FREM2: variants seen among roughly 807,000 people sequenced by gnomAD.
The protein encoded by FREM2 is FRAS1-related extracellular matrix protein 2.
Under a neutral mutation model 219.9 loss-of-function variants are expected in FREM2, and 119 were observed. The observed-to-expected ratio is 0.54, with a 90% CI of 0.47 to 0.63. The LOEUF is 0.63. FREM2 is among the 30% of genes least tolerant of loss of function. The pLI is 0.00. For missense variants in FREM2, 4,030 were observed against 3,993.6 expected (o/e 1.01, Z -0.25); for synonymous variants, 1,562 against 1,522.8 (o/e 1.03, Z -0.60).
intron 3 of FREM2, 61 bp from the exon 4 acceptor site, chr13:38,769,517 G>A (rs1873567305): frequency 1.4e-6 from 2 of 1,437,114 alleles, no homozygotes; most frequent in African/African-American, 2.8e-5. Flanking sequence ...AGTTAACAAG[G>A]AAAATCTTAA....
rs1369757958 is a variant in FREM2 at position 38,886,264 on chromosome 13, C to T, written c.*5477C>T. The T allele has an allele frequency of 6.6e-6, 1 of 152,062 alleles. No homozygotes were observed. The highest frequency in any genetic ancestry group is 2.1e-4 in the South Asian group (1 of 4,828). The allele number at this position is 152,062 out of a possible 1,614,324, so 9.4% of individuals were successfully genotyped here. On this transcript the variant is annotated 3_prime_UTR_variant, in exon 24 of 24. Coordinates refer to ENST00000280481, the MANE Select transcript of FREM2 (RefSeq NM_207361.6). ...GTAAAAGCTAAATTTATGCACATTACAAAAAGTAGTCAAGTCAGTCTTCCA... is the reference window on the plus strand; with the variant it reads ...GTAAAAGCTAAATTTATGCACATTATAAAAAGTAGTCAAGTCAGTCTTCCA...
At chr13:38,693,702 G>A (rs1869995179) in intron 1 of FREM2, among the ~76,000 whole-genome samples, 1 of 152,200 alleles carries the variant, frequency 6.6e-6, no homozygotes, top group African/African-American at 2.4e-5. Context: ...CTGCAACTGT[G>A]TTGTACTCTT....
rs1873741796 is a variant in FREM2 at position 38,773,306 on chromosome 13, A to G, written c.5641+3498A>G. Among the ~76,000 whole-genome samples, 2 of 151,996 alleles carry G rather than the reference A, an allele frequency of 1.3e-5. 1 individual carries two copies. The highest frequency in any genetic ancestry group is 4.1e-4 in the South Asian group (2 of 4,820). On this transcript the variant is annotated intron_variant, in intron 4 of 23. Transcript: ENST00000280481. The stretch of plus-strand genomic sequence containing the variant: ...AGTGTCTGTGGCTCTCTGGTTGGGA[A>G]CCATGGCTCTGCGATCAATAGAGCT...
Position 38,783,161 on chromosome 13 carries a change from C to T in FREM2, c.5733C>T (p.Ser1911=), listed in dbSNP as rs746150535. Residue 1911 remains serine, a synonymous_variant, in exon 5 of 24, where the codon AGC becomes AGT. Transcript: ENST00000280481. ...CCATCAGGAGGAGCGGAGATGTGAGCCAGGAGTTGATGGTGGTCTGTTATA... is the reference window on the plus strand; with the variant it reads ...CCATCAGGAGGAGCGGAGATGTGAGTCAGGAGTTGATGGTGGTCTGTTATA... ...FIPIRRSGDV[S]QELMVVCYTQ... is the part of the protein sequence containing the mutation. The T allele has an allele frequency of 4.3e-6, 7 of 1,613,800 alleles. No homozygotes were observed. The highest frequency in any genetic ancestry group is 5.9e-6 in the Non-Finnish European group (7 of 1,179,912).
chr13:38,858,047 T>C lies in FREM2; in HGVS notation c.7215+14T>C. The C allele has an allele frequency of 6.2e-7, 1 of 1,608,794 alleles. No individual in the cohort carries two copies. Among genetic ancestry groups the C allele is most frequent in the Non-Finnish European group, 8.5e-7 (1 of 1,175,256 alleles). ...ATCTGTATCACAGTGAGTAGGAGAT[T>C]CACAAAATTGAGGAAAATTGTAAGA... On this transcript the variant is annotated intron_variant, in intron 13 of 23. Transcript: ENST00000280481.
At chr13:38,723,974 C>T (rs1323103065) in intron 2 of FREM2, among the ~76,000 whole-genome samples, 10 of 152,214 alleles carry the variant, frequency 6.6e-5, no homozygotes, top group Admixed American at 5.9e-4. Flanking sequence ...TACCCTGACT[C>T]TGCAGCCCGT....
intron 2 of FREM2, among the ~76,000 whole-genome samples, chr13:38,737,275 C>G (rs1038919903): frequency 2.0e-4 from 31 of 152,056 alleles, no homozygotes; most frequent in African/African-American, 7.2e-4. Flanking sequence ...CATCAGGAAC[C>G]GAAGAAGGTC....
intron 6 of FREM2, among the ~76,000 whole-genome samples, chr13:38,807,582 A>G (rs1238346754): frequency 6.6e-6 from 1 of 151,886 alleles, no homozygotes; most frequent in East Asian, 2.0e-4. Flanking sequence ...TTATATTAGC[A>G]TATTTAAAAA....
intron 2 of FREM2, among the ~76,000 whole-genome samples, chr13:38,755,358 C>G (rs910668862): frequency 5.3e-5 from 8 of 152,144 alleles, no homozygotes; most frequent in Non-Finnish European, 1.2e-4. Flanking sequence ...CAGGAACCCC[C>G]AGGGGTGGGC....
chr13:38,706,677 GA>G (rs1167870755), intron 2 of FREM2, among the ~76,000 whole-genome samples: 1 of 152,106 alleles, frequency 6.6e-6, no homozygotes, highest in African/African-American at 2.4e-5. Flanking sequence ...GAGATTAGAG[GA>G]AAACTATATG....
Position 38,874,531 on chromosome 13 carries a change from C to T in FREM2, c.8226C>T (p.Ala2742=), listed in dbSNP as rs17058710. The T allele has an allele frequency of 3.7e-3, 5,944 of 1,614,074 alleles. 189 individuals are homozygous for T. In the African/African-American group the frequency reaches 0.068, roughly 19 times the overall value. The change falls in exon 18 of 24, where the codon GCC becomes GCT. Residue 2742 remains alanine, a synonymous_variant. Transcript: ENST00000280481. ...GCATCGGTGATGAGGGGCGCTTGGCCGTGCACTTCAAGACAGAGGCTCAGT... is the reference window on the plus strand; with the variant it reads ...GCATCGGTGATGAGGGGCGCTTGGCTGTGCACTTCAAGACAGAGGCTCAGT... ...SMRIGDEGRL[A]VHFKTEAQFH...
chr13:38,824,481 G>A (rs909739734), intron 6 of FREM2, among the ~76,000 whole-genome samples: 2 of 152,108 alleles, frequency 1.3e-5, no homozygotes, highest in South Asian at 2.1e-4. Context: ...GCCACACCAT[G>A]TAGGAGATAG....
intron 6 of FREM2, among the ~76,000 whole-genome samples, chr13:38,797,890 T>C (rs1423746153): frequency 6.6e-6 from 1 of 152,112 alleles, no homozygotes; most frequent in Non-Finnish European, 1.5e-5. Context: ...CTTTGGGTTT[T>C]CTAGATATAA....
chr13:38,840,269 T>C (rs9315615), intron 6 of FREM2, among the ~76,000 whole-genome samples: 39,908 of 151,516 alleles, frequency 0.26, 6,962 homozygotes, highest in African/African-American at 0.49. Context: ...TTCTGCTTGC[T>C]CTCCATGGGC....
At position 38,692,322 on chromosome 13, in the gene FREM2, G is replaced by T; in HGVS notation, c.4978G>T (p.Val1660Leu). ...AVDNSVPQIA[V>L]NKGASTLRTL... ...TGACAACAGTGTCCCCCAAATCGCA[G>T]TGAATAAGGGGGCCTCTACACTTCG... The change falls in exon 1 of 24, where the codon GTG becomes TTG. Residue 1660 changes from valine to leucine, a missense_variant. Physicochemically the swap from Val to Leu is conservative, Grantham distance 32. This residue lies in a region of FREM2 where 3,102 missense variants were observed against 2,950.7 expected (regional missense o/e 1.05). Transcript: ENST00000280481. 1 of 1,605,650 alleles carries T rather than the reference G, an allele frequency of 6.2e-7. No individual in the cohort carries two copies. The highest frequency in any genetic ancestry group is 8.5e-7 in the Non-Finnish European group (1 of 1,175,494).
chr13:38,849,729 A>G (rs1877299428), intron 8 of FREM2, among the ~76,000 whole-genome samples: 1 of 152,212 alleles, frequency 6.6e-6, no homozygotes, highest in Non-Finnish European at 1.5e-5. Flanking sequence ...TCACGTCAGG[A>G]AATTCTGAAA....
intron 3 of FREM2, 68 bp from the exon 4 acceptor site, chr13:38,769,510 T>A (rs976068134): frequency 3.9e-5 from 55 of 1,401,296 alleles, no homozygotes; most frequent in Non-Finnish European, 5.4e-5. Context: ...TGCAAAAAGT[T>A]AACAAGGAAA....
chr13:38,769,428 C>T, intron 3 of FREM2, 150 bp from the exon 4 acceptor site: 2 of 710,596 alleles, frequency 2.8e-6, no homozygotes, highest in South Asian at 1.6e-5. Flanking sequence ...CTTTCATCAT[C>T]AGACCCATTC....
At chr13:38,744,881 A>G (rs1399977811) in intron 2 of FREM2, among the ~76,000 whole-genome samples, 1 of 152,254 alleles carries the variant, frequency 6.6e-6, no homozygotes, top group African/African-American at 2.4e-5. Context: ...ATTTTTCTAC[A>G]GTAATTTCAC....
Sources: allele counts gnomAD v4.1 joint callset (sites outside exome capture counted in the v4.1 genomes callset), GRCh38; gene constraint gnomAD v4.1.1; regional missense constraint gnomAD v4.1.1; transcripts MANE v1.5; gene names NCBI Gene and HGNC (gene_info 2026-07-23, HGNC 2026-07-21).